Variants in RBFOX1 observed in about 807,000 individuals in gnomAD.
RBFOX1 encodes RNA binding protein fox-1 homolog 1.
A neutral mutation model predicts 57.7 loss-of-function variants in RBFOX1; 8 were observed. The observed-to-expected ratio is 0.14, with a 90% CI of 0.08 to 0.25. RBFOX1 has a LOEUF of 0.25. Ranked by LOEUF, RBFOX1 falls within the 10% of genes least tolerant of loss-of-function variation. The pLI is 1.00. For synonymous variants in RBFOX1, 326 were observed against 222.4 expected, an observed-to-expected ratio of 1.47 and a Z score of -4.15; for missense variants, 611 against 548.5, an observed-to-expected ratio of 1.11 and a Z score of -1.14.
intron 4 of RBFOX1, among the ~76,000 whole-genome samples, chr16:7,459,452 C>T (rs2059149978): frequency 6.6e-6 from 1 of 152,082 alleles, no homozygotes; most frequent in Non-Finnish European, 1.5e-5. Context: ...TTCCAAAAAC[C>T]TGTGGAGGTG....
chr16:6,868,306 A>G (rs916465796), intron 3 of RBFOX1, among the ~76,000 whole-genome samples: 3 of 152,186 alleles, frequency 2.0e-5, no homozygotes, highest in African/African-American at 7.2e-5. Flanking sequence ...GGTTTGCTGA[A>G]GTAAGAGGAT....
chr16:6,959,657 C>G (rs1338710265), intron 3 of RBFOX1, among the ~76,000 whole-genome samples: 2 of 152,124 alleles, frequency 1.3e-5, no homozygotes. Flanking sequence ...AAAGCTGAGG[C>G]TGGGCGTAAT....
At chr16:5,808,387 G>A (rs1040585151) in intron 3 of RBFOX1, among the ~76,000 whole-genome samples, 1 of 152,146 alleles carries the variant, frequency 6.6e-6, no homozygotes, top group Non-Finnish European at 1.5e-5. Context: ...GCTTAGGATT[G>A]ACTTGGCGAT....
At chr16:5,794,979 G>C (rs999984318) in intron 3 of RBFOX1, among the ~76,000 whole-genome samples, 2 of 152,186 alleles carry the variant, frequency 1.3e-5, no homozygotes, top group Admixed American at 1.3e-4. Context: ...TCTTGAGAAG[G>C]AGTCACATTC....
At chr16:6,769,471 A>G (rs571964891) in intron 3 of RBFOX1, among the ~76,000 whole-genome samples, 202 of 152,326 alleles carry the variant, frequency 1.3e-3, no homozygotes, top group African/African-American at 4.7e-3. Flanking sequence ...CTTTTTAGCA[A>G]CAGTGCAGCA....
chr16:5,773,549 C>G (rs953885937), intron 3 of RBFOX1, among the ~76,000 whole-genome samples: 2 of 152,140 alleles, frequency 1.3e-5, no homozygotes, highest in African/African-American at 2.4e-5. Context: ...TATTGATGGA[C>G]ATTTAGGATG....
chr16:6,985,258 T>C (rs13331800), intron 3 of RBFOX1, among the ~76,000 whole-genome samples: 5,453 of 152,262 alleles, frequency 0.036, 308 homozygotes, highest in African/African-American at 0.12. Context: ...ATGCCACATA[T>C]TGGTAGGGAA....
intron 2 of RBFOX1, among the ~76,000 whole-genome samples, chr16:6,388,382 TGAA>T (rs145413807): frequency 0.076 from 11,516 of 152,130 alleles, 591 homozygotes; most frequent in Middle Eastern, 0.19. Flanking sequence ...ACAGAAAGTG[TGAA>T]GAAGAGCAGA....
At chr16:7,031,646 G>A (rs545616913) in intron 3 of RBFOX1, among the ~76,000 whole-genome samples, 10 of 152,096 alleles carry the variant, frequency 6.6e-5, no homozygotes, top group South Asian at 2.1e-4. Flanking sequence ...CAACGACATC[G>A]GGCAGATGTG....
intron 3 of RBFOX1, among the ~76,000 whole-genome samples, chr16:6,920,005 G>C (rs1003043622): frequency 6.6e-6 from 1 of 151,858 alleles, no homozygotes; most frequent in African/African-American, 2.4e-5. Context: ...TCAAAGCTTA[G>C]CTCTCCCTTA....
intron 2 of RBFOX1, among the ~76,000 whole-genome samples, chr16:6,587,316 C>G (rs1306314763): frequency 1.3e-5 from 2 of 151,978 alleles, no homozygotes; most frequent in Non-Finnish European, 2.9e-5. Context: ...AAGTCTCACT[C>G]TGTCACCCAG....
chr16:6,560,258 C>A (rs929573895), intron 2 of RBFOX1, among the ~76,000 whole-genome samples: 1 of 150,842 alleles, frequency 6.6e-6, no homozygotes, highest in Non-Finnish European at 1.5e-5. Flanking sequence ...GTGCGTGATG[C>A]CTGAGCAAAT....
intron 1 of RBFOX1, among the ~76,000 whole-genome samples, chr16:6,043,702 C>A (rs2095466683): frequency 6.6e-6 from 1 of 152,226 alleles, no homozygotes; most frequent in Admixed American, 6.5e-5. Context: ...TCCTGCCTTT[C>A]CTGCTCTTTT....
chr16:7,700,175 T>G (rs943960393), intron 14 of RBFOX1, among the ~76,000 whole-genome samples: 2 of 152,072 alleles, frequency 1.3e-5, no homozygotes, highest in African/African-American at 4.8e-5. Flanking sequence ...CTGACACATG[T>G]ACCCCTGGGG....
rs749022718 is a variant in RBFOX1, at chr16:6,672,375, AAGAG to A, written c.-16+17733_-16+17736del. ...GAGAGTGAGAGAGAGAAGAGGGAGA[AAGAG>A]AGAGAGAAGGAGAGAGAGAAAAGGA... On this transcript the variant is annotated intron_variant, in intron 3 of 15. Transcript: ENST00000550418. Among the ~76,000 whole-genome samples, 336 of 151,180 alleles carry A rather than the reference AAGAG, an allele frequency of 2.2e-3. 1 individual carries two copies. Among genetic ancestry groups the A allele is most frequent in the Non-Finnish European group, 3.3e-3 (224 of 67,722 alleles).
intron 4 of RBFOX1, among the ~76,000 whole-genome samples, chr16:7,156,585 G>T (rs1442865058): frequency 6.6e-6 from 1 of 151,914 alleles, no homozygotes; most frequent in East Asian, 1.9e-4. Flanking sequence ...ACATTTGCAT[G>T]CAGATATACA....
chr16:7,584,898 C>T (rs1383495179), intron 6 of RBFOX1, among the ~76,000 whole-genome samples: 2 of 152,208 alleles, frequency 1.3e-5, no homozygotes, highest in Non-Finnish European at 2.9e-5. Context: ...CAGAAGCAAA[C>T]TTTGAGACCA....
rs182703296 is a variant in RBFOX1, at chr16:6,370,199, A to G, written c.-64+53142A>G. ...CGGTGAAAACCTGTCTCTACTAAAA[A>G]TACAAAAAATTAGCTGGGCGGGGTG... On this transcript the variant is annotated intron_variant, in intron 2 of 15. Coordinates refer to ENST00000550418, the MANE Select transcript of RBFOX1 (RefSeq NM_018723.4). Among the ~76,000 whole-genome samples the G allele has an allele frequency of 8.0e-3, 1,217 of 151,938 alleles. 11 individuals are homozygous for G. The highest frequency in any genetic ancestry group is 0.012 in the Admixed American group (189 of 15,260).
chr16:6,354,918 A>C (rs1038675665), intron 2 of RBFOX1, among the ~76,000 whole-genome samples: 3 of 152,144 alleles, frequency 2.0e-5, no homozygotes, highest in African/African-American at 7.2e-5. Context: ...ACCAGTGTTC[A>C]CATAAGGAGA....
Sources: gnomAD v4.1 joint callset for allele counts (sites outside exome capture counted in the v4.1 genomes callset) on GRCh38, gnomAD v4.1.1 for gene constraint, MANE v1.5 for transcripts, NCBI Gene and HGNC (gene_info 2026-07-23, HGNC 2026-07-21) for gene names.